MRPS25: variants seen among roughly 807,000 people sequenced by gnomAD.
The protein encoded by MRPS25 is small ribosomal subunit protein mS25.
A neutral mutation model predicts 17.3 loss-of-function variants in MRPS25; 15 were observed. The ratio of observed to expected loss-of-function variants is 0.87; its 90% CI spans 0.58 to 1.34. The LOEUF is 1.34. MRPS25 is among the 40% of genes most tolerant of loss of function. The pLI, the probability that MRPS25 is intolerant of heterozygous loss-of-function variation, is 0.00. For synonymous variants in MRPS25, 94 were observed against 83.3 expected, an observed-to-expected ratio of 1.13 and a Z score of -0.70; for missense variants, 225 against 218.6, an observed-to-expected ratio of 1.03 and a Z score of -0.19.
chr3:15,055,926 G>T (rs543857069), intron 2 of MRPS25, among the ~76,000 whole-genome samples: 17 of 149,586 alleles, frequency 1.1e-4, no homozygotes, highest in African/African-American at 4.2e-4. Flanking sequence ...TAATGGAAAA[G>T]CTTCAGGCCG....
In MRPS25 at chr3:15,050,602, T is replaced by C; in HGVS notation, c.*1839A>G. On this transcript the variant is annotated 3_prime_UTR_variant, in exon 4 of 4. Transcript: ENST00000253686. ...GACTTCAGTCAGTTGGGTGGGGAAC[T>C]GAAACCAGCAGACATGGGAGGGCTC... 3 of 985,428 alleles carry C rather than the reference T, an allele frequency of 3.0e-6. No individual in the cohort carries two copies. Among genetic ancestry groups the C allele is most frequent in the Non-Finnish European group, 3.6e-6 (3 of 829,958 alleles). 61.0% of individuals were successfully genotyped at this position (985,428 alleles called of 1,614,324 possible).
chr3:15,043,981 C>T (rs1475024642), downstream of MRPS25: 1 of 152,146 alleles, frequency 6.6e-6, no homozygotes, highest in East Asian at 1.9e-4. Flanking sequence ...ACAGTACTTC[C>T]AATACAATTG....
chr3:15,055,466 G>T (rs1011243363), intron 2 of MRPS25, among the ~76,000 whole-genome samples: 1 of 152,208 alleles, frequency 6.6e-6, no homozygotes, highest in East Asian at 1.9e-4. Flanking sequence ...AATACCAAGT[G>T]CTAGTGAGGA....
chr3:15,055,121 C>T (rs2042653947), intron 2 of MRPS25, among the ~76,000 whole-genome samples: 1 of 152,154 alleles, frequency 6.6e-6, no homozygotes, highest in Admixed American at 6.5e-5. Context: ...CACTTTTAAA[C>T]AGCCAGATCG....
chr3:15,057,696 T>C (rs1172054626), intron 2 of MRPS25, among the ~76,000 whole-genome samples: 2 of 152,200 alleles, frequency 1.3e-5, no homozygotes, highest in African/African-American at 2.4e-5. Flanking sequence ...TGTACGTAAG[T>C]GTACAGGTAT....
At chr3:15,059,776 C>T (rs2042724687) in intron 1 of MRPS25, among the ~76,000 whole-genome samples, 1 of 152,082 alleles carries the variant, frequency 6.6e-6, no homozygotes. Context: ...TGATTTGTGT[C>T]GTGAAGACAA....
chr3:15,064,954 G>T, intron 1 of MRPS25, 107 bp downstream of exon 1: 1 of 1,414,110 alleles, frequency 7.1e-7, no homozygotes, highest in Non-Finnish European at 9.5e-7. Context: ...TGGGGGGCCC[G>T]CCCCGGGGAT....
At chr3:15,062,931 T>A (rs1327125100) in intron 1 of MRPS25, among the ~76,000 whole-genome samples, 1 of 152,036 alleles carries the variant, frequency 6.6e-6, no homozygotes, top group Non-Finnish European at 1.5e-5. Flanking sequence ...ACAAACACTC[T>A]GCCTAGGAAA....
At chr3:15,059,187 G>A (rs923875961) in intron 2 of MRPS25, among the ~76,000 whole-genome samples, 182 bp downstream of exon 2, 2 of 152,116 alleles carry the variant, frequency 1.3e-5, no homozygotes, top group Non-Finnish European at 1.5e-5. Flanking sequence ...GCTGGAGAGG[G>A]AAAGAGTCCA....
Position 15,051,994 on chromosome 3 carries a change from A to G in MRPS25, c.*447T>C. ...AGGAACTGAACGGAGGGGTGTACAC[A>G]CTGCCAACCACAGACAGTGCTAGCC... On this transcript the variant is annotated 3_prime_UTR_variant, in exon 4 of 4. Transcript: ENST00000253686. 1.0e-6 allele frequency: 1 copy of G among 990,946 alleles called. No individual in the cohort carries two copies. The highest frequency in any genetic ancestry group is 1.2e-6 in the Non-Finnish European group (1 of 833,694). The allele number at this position is 990,946 out of a possible 1,614,324, so 61.4% of individuals were successfully genotyped here.
At position 15,059,350 on chromosome 3, in the gene MRPS25, T is replaced by C. The variant is rs1029758108; in HGVS notation, c.241+19A>G. Reference sequence around the variant, plus strand: ...CATGTCTGGGACAGCCCCTGGACCATGGCGAGGGCCCCACTCACCTAAGTA... The same window carrying C: ...CATGTCTGGGACAGCCCCTGGACCACGGCGAGGGCCCCACTCACCTAAGTA... On this transcript the variant is annotated intron_variant, in intron 2 of 3. Coordinates refer to ENST00000253686, the MANE Select transcript of MRPS25 (RefSeq NM_022497.5). 5 of 1,550,426 alleles carry C rather than the reference T, an allele frequency of 3.2e-6. No individual in the cohort carries two copies. Among genetic ancestry groups the C allele is most frequent in the Non-Finnish European group, 4.5e-6 (5 of 1,123,076 alleles).
Position 15,051,359 on chromosome 3 carries a change from CT to C in MRPS25, c.*1081del. ...ACACCACACCCATCTAATTTTTGTA[CT>C]TTTTGTAGAGACAAGGTCTTGCCAT... On this transcript the variant is annotated 3_prime_UTR_variant, in exon 4 of 4. Coordinates refer to ENST00000253686, the MANE Select transcript of MRPS25 (RefSeq NM_022497.5). The C allele has an allele frequency of 1.7e-6, 1 of 571,992 alleles. No individual in the cohort carries two copies. The highest frequency in any genetic ancestry group is 2.2e-6 in the Non-Finnish European group (1 of 452,440). 35.4% of individuals were successfully genotyped at this position (571,992 alleles called of 1,614,324 possible).
In MRPS25 at chr3:15,051,266, G is replaced by C. The variant is rs1381705148; in HGVS notation, c.*1175C>G. The C allele has an allele frequency of 4.7e-6, 4 of 852,780 alleles. No individual in the cohort carries two copies. Among genetic ancestry groups the C allele is most frequent in the Non-Finnish European group, 5.6e-6 (4 of 708,958 alleles). The allele number at this position is 852,780 out of a possible 1,614,324, so 52.8% of individuals were successfully genotyped here. A position where few individuals can be genotyped will look rare whatever the true frequency, so the allele number is the denominator to read the frequency against. On this transcript the variant is annotated 3_prime_UTR_variant, in exon 4 of 4. Coordinates refer to ENST00000253686, the MANE Select transcript of MRPS25 (RefSeq NM_022497.5). ...TAGCGCACGATCATGATTCACTGCAGCCTTGATCTCGCAGGCTCGAGATCC... is the reference window on the plus strand; with the variant it reads ...TAGCGCACGATCATGATTCACTGCACCCTTGATCTCGCAGGCTCGAGATCC...
In MRPS25 at chr3:15,062,758, T is replaced by G. The variant is rs1001993490; in HGVS notation, c.134+2303A>C. The stretch of plus-strand genomic sequence containing the variant: ...CTTCTGCCTTGGGATCCTGTTGATC[T>G]GTGACCTTACCCCCAACCCTGTGCT... On this transcript the variant is annotated intron_variant, in intron 1 of 3. Coordinates refer to ENST00000253686, the MANE Select transcript of MRPS25 (RefSeq NM_022497.5). Among the ~76,000 whole-genome samples, 184 of 152,318 alleles carry G rather than the reference T, an allele frequency of 1.2e-3. 1 individual carries two copies. Among genetic ancestry groups the G allele is most frequent in the Middle Eastern group, 3.4e-3 (1 of 294 alleles).
chr3:15,064,958 C>A, intron 1 of MRPS25, 103 bp downstream of exon 1: 1 of 1,436,036 alleles, frequency 7.0e-7, no homozygotes, highest in Non-Finnish European at 9.3e-7. Context: ...GGGCCCGCCC[C>A]GGGGATGAAC....
In MRPS25 at chr3:15,059,480, A is replaced by G; in HGVS notation, c.135-5T>C. ...ATGTTGAAAAACACAAACTTCCTGC[A>G]AAAGGGAAGAAATGAAGCCTATGAA... On this transcript the variant is annotated splice_polypyrimidine_tract_variant and splice_region_variant and intron_variant, in intron 1 of 3. Coordinates refer to ENST00000253686, the MANE Select transcript of MRPS25 (RefSeq NM_022497.5). The G allele has an allele frequency of 6.3e-7, 1 of 1,590,584 alleles. No individual in the cohort carries two copies.
intron 2 of MRPS25, among the ~76,000 whole-genome samples, chr3:15,058,084 C>A (rs1393112587): frequency 6.6e-6 from 1 of 152,128 alleles, no homozygotes; most frequent in Non-Finnish European, 1.5e-5. Flanking sequence ...TCATGTTGCC[C>A]ATGTTGGTCT....
chr3:15,058,096 G>A (rs763121957), intron 2 of MRPS25, among the ~76,000 whole-genome samples: 5 of 152,040 alleles, frequency 3.3e-5, no homozygotes, highest in African/African-American at 4.8e-5. Flanking sequence ...TGTTGGTCTC[G>A]AACTCCTGAG....
intron 2 of MRPS25, among the ~76,000 whole-genome samples, chr3:15,058,621 T>A (rs1057127269): frequency 2.6e-5 from 4 of 152,262 alleles, no homozygotes; most frequent in Non-Finnish European, 5.9e-5. Flanking sequence ...CTAGGGAACA[T>A]GTGTTACATA....
Sources: allele counts gnomAD v4.1 joint callset (sites outside exome capture counted in the v4.1 genomes callset), GRCh38; gene constraint gnomAD v4.1.1; transcripts MANE v1.5; gene names NCBI Gene and HGNC (gene_info 2026-07-23, HGNC 2026-07-21).